Variants in ZNF718 observed in about 807,000 individuals in gnomAD.
ZNF718 encodes the protein zinc finger protein 718.
Under a neutral mutation model 2.6 loss-of-function variants are expected in ZNF718, and 3 were observed. The ratio of observed to expected loss-of-function variants is 1.16; its 90% CI spans 0.53 to 3.01. The LOEUF (loss-of-function observed/expected upper bound fraction) is 3.01. Ranked by LOEUF, ZNF718 falls within the 30% of genes most tolerant of loss-of-function variation. The pLI is 0.03. For synonymous variants in ZNF718, 135 were observed against 77.9 expected (o/e 1.73, Z -3.86); for missense variants, 468 against 230.0 (o/e 2.03, Z -6.69).
At chr4:156,493 CAA>C (rs148528640) in intron 3 of ZNF718, among the ~76,000 whole-genome samples, 3 of 151,460 alleles carry the variant, frequency 2.0e-5, no homozygotes, top group African/African-American at 7.3e-5. Context: ...TTTTAATTGT[CAA>C]AAAAAACAGA....
At chr4:126,827 CTCT>C (rs1250414571) in intron 1 of ZNF718, among the ~76,000 whole-genome samples, 1 of 145,082 alleles carries the variant, frequency 6.9e-6, no homozygotes, top group Admixed American at 7.2e-5. Context: ...GATAATTTTT[CTCT>C]TTTTTTTTTT....
chr4:159,044 T>TA (rs1243988736), intron 3 of ZNF718, among the ~76,000 whole-genome samples: 1 of 150,898 alleles, frequency 6.6e-6, no homozygotes, highest in African/African-American at 2.4e-5. Context: ...TTTTTTCTTT[T>TA]TTTTTTTTTT....
rs1282889814 is a variant in ZNF718 at position 132,136 on chromosome 4, CAA to C, written c.226+647_226+648del. ...TGGGCGACAGAGCGAGATTCAGTCTCAAAAAAAAAAAAAAAAACCCAGGAGGC... is the reference window on the plus strand; with the variant it reads ...TGGGCGACAGAGCGAGATTCAGTCTCAAAAAAAAAAAAAAACCCAGGAGGC... On this transcript the variant is annotated intron_variant, in intron 3 of 3. Coordinates refer to ENST00000510175, the MANE Select transcript of ZNF718 (RefSeq NM_001039127.6). Among the ~76,000 whole-genome samples the C allele has an allele frequency of 3.0e-4, 14 of 46,214 alleles. 3 individuals carry two copies. Among genetic ancestry groups the C allele is most frequent in the South Asian group, 1.4e-3 (2 of 1,458 alleles). The allele number at this position is 46,214 out of a possible 152,430, so 30.3% of individuals were successfully genotyped here.
At chr4:138,316 C>T (rs559590463) in intron 3 of ZNF718, among the ~76,000 whole-genome samples, 2 of 152,304 alleles carry the variant, frequency 1.3e-5, no homozygotes, top group Admixed American at 6.5e-5. Context: ...GGTAACAATC[C>T]TTCTGCTCTC....
intron 3 of ZNF718, among the ~76,000 whole-genome samples, chr4:155,112 G>T (rs962249886): frequency 6.6e-6 from 1 of 152,212 alleles, no homozygotes; most frequent in Non-Finnish European, 1.5e-5. Flanking sequence ...CAAAAGCGAG[G>T]TTTGGAAACC....
Position 161,866 on chromosome 4 carries a change from C to T in ZNF718, c.1181C>T (p.Pro394Leu). 1 of 780,568 alleles carries T rather than the reference C, an allele frequency of 1.3e-6. No homozygotes were observed. The highest frequency in any genetic ancestry group is 1.3e-5 in the South Asian group (1 of 74,600). 48.4% of individuals were successfully genotyped at this position (780,568 alleles called of 1,614,324 possible). A position where few individuals can be genotyped will look rare whatever the true frequency, so the allele number is the denominator to read the frequency against. ...VHKRIHSGKN[P>L]YKCEDCGKAF... ...AAGAGAATTCACTCTGGAAAAAATCCCTACAAATGTGAAGATTGTGGCAAA... is the reference window on the plus strand; with the variant it reads ...AAGAGAATTCACTCTGGAAAAAATCTCTACAAATGTGAAGATTGTGGCAAA... Residue 394 changes from proline to leucine, a missense_variant, in exon 4 of 4, where the codon CCC (proline) becomes CTC (leucine). By Grantham distance (98) the Pro-to-Leu change is moderately conservative. Coordinates refer to ENST00000510175, the MANE Select transcript of ZNF718 (RefSeq NM_001039127.6).
At chr4:156,763 A>T (rs1553813746) in intron 3 of ZNF718, among the ~76,000 whole-genome samples, 2 of 152,154 alleles carry the variant, frequency 1.3e-5, no homozygotes, top group Admixed American at 1.3e-4. Context: ...TTTCATTAAG[A>T]TTTATTTTTA....
intron 3 of ZNF718, among the ~76,000 whole-genome samples, chr4:190,959 G>C (rs902002615): frequency 4.6e-5 from 7 of 151,664 alleles, no homozygotes; most frequent in Non-Finnish European, 1.0e-4. Context: ...GAATCACTTG[G>C]ACCCAGGAGG....
intron 3 of ZNF718, among the ~76,000 whole-genome samples, chr4:139,270 T>C (rs1281425755): frequency 6.6e-6 from 1 of 152,240 alleles, no homozygotes; most frequent in Non-Finnish European, 1.5e-5. Context: ...TAGATTTGTC[T>C]CTAATCCGTT....
chr4:166,550 T>C (rs1421823943), downstream of ZNF718, among the ~76,000 whole-genome samples: 2 of 152,222 alleles, frequency 1.3e-5, no homozygotes, highest in Non-Finnish European at 2.9e-5. Context: ...TTCTAACTGG[T>C]GTGAGGTGGT....
chr4:163,594 C>T lies in ZNF718; in HGVS notation c.*1472C>T, dbSNP rs112421252. 18 of 152,140 alleles carry T rather than the reference C, an allele frequency of 1.2e-4. No homozygotes were observed. The highest frequency in any genetic ancestry group is 4.3e-4 in the African/African-American group (18 of 41,488). The allele number at this position is 152,140 out of a possible 1,614,324, so 9.4% of individuals were successfully genotyped here. A position where few individuals can be genotyped will look rare whatever the true frequency, so the allele number is the denominator to read the frequency against. ...ACATGTTCAGAGTAATATTCTTCTGCATTATAGTGAGAGAAAAATCTTGAA... is the reference window on the plus strand; with the variant it reads ...ACATGTTCAGAGTAATATTCTTCTGTATTATAGTGAGAGAAAAATCTTGAA... On this transcript the variant is annotated 3_prime_UTR_variant, in exon 4 of 4. Coordinates refer to ENST00000510175, the MANE Select transcript of ZNF718 (RefSeq NM_001039127.6).
At chr4:131,753 A>G (rs1163307407) in intron 3 of ZNF718, among the ~76,000 whole-genome samples, 10 of 96,342 alleles carry the variant, frequency 1.0e-4, no homozygotes, top group Admixed American at 2.2e-4. Context: ...GGCGCCTGTA[A>G]TCCCAGCTAC....
intron 3 of ZNF718, among the ~76,000 whole-genome samples, chr4:154,781 A>C (rs1200548598): frequency 6.6e-6 from 1 of 152,236 alleles, no homozygotes; most frequent in Non-Finnish European, 1.5e-5. Context: ...TTCTGAAGGG[A>C]AATTCAAGCT....
chr4:162,040 A>C lies in ZNF718; in HGVS notation c.1355A>C (p.Lys452Thr). The C allele has an allele frequency of 1.3e-6, 1 of 777,416 alleles. No individual in the cohort carries two copies. The highest frequency in any genetic ancestry group is 2.4e-6 in the Non-Finnish European group (1 of 416,074). 48.2% of individuals were successfully genotyped at this position (777,416 alleles called of 1,614,324 possible). The part of the protein sequence containing the change: ...KKIHTVDKPY[K>T]CKECGKAFKQ... ...ATTCACACTGTAGATAAACCCTACA[A>C]ATGTAAAGAATGCGGGAAAGCTTTT... The change falls in exon 4 of 4, where the codon AAA becomes ACA. Residue 452 changes from lysine (K) to threonine (T), a missense_variant. Coordinates refer to ENST00000510175, the MANE Select transcript of ZNF718 (RefSeq NM_001039127.6).
In ZNF718 at chr4:161,624, C is replaced by G. The variant is rs539850096; in HGVS notation, c.939C>G (p.Cys313Trp). The change falls in exon 4 of 4, where the codon TGC becomes TGG. Residue 313 changes from cysteine to tryptophan, a missense_variant. Physicochemically the swap from Cys to Trp is radical, Grantham distance 215. Coordinates refer to ENST00000510175, the MANE Select transcript of ZNF718 (RefSeq NM_001039127.6). ...ATGCTGGAGAGAAACCCTTCTCATG[C>G]GAAGAATGTGGCAATGTCTTTACCA... ...RIHAGEKPFS[C>W]EECGNVFTTS... is the part of the protein sequence containing the mutation. 3.1e-5 allele frequency: 24 copies of G among 779,184 alleles called. No individual in the cohort carries two copies. The highest frequency in any genetic ancestry group is 5.5e-5 in the Non-Finnish European group (23 of 417,464). The allele number at this position is 779,184 out of a possible 1,614,324, so 48.3% of individuals were successfully genotyped here.
chr4:130,780 A>C lies in ZNF718; in HGVS notation c.4-8A>C. The C allele has an allele frequency of 2.8e-6, 1 of 359,428 alleles. No individual in the cohort carries two copies. The highest frequency in any genetic ancestry group is 4.9e-6 in the Non-Finnish European group (1 of 202,430). 22.3% of individuals were successfully genotyped at this position (359,428 alleles called of 1,614,324 possible). On this transcript the variant is annotated splice_polypyrimidine_tract_variant and splice_region_variant and intron_variant, in intron 1 of 3. Coordinates refer to ENST00000510175, the MANE Select transcript of ZNF718 (RefSeq NM_001039127.6). ...GAATTCTGTCACTTGATAAATGTGT[A>C]TTTTCAGGAACTCTTAACATTCAAG...
At chr4:192,430 G>A (rs1560133415) in intron 3 of ZNF718, among the ~76,000 whole-genome samples, 1 of 152,128 alleles carries the variant, frequency 6.6e-6, no homozygotes, top group East Asian at 1.9e-4. Flanking sequence ...TACCTGATTG[G>A]TGGGGTGTGA....
chr4:148,610 C>CAAAAA (rs33957522), intron 3 of ZNF718, among the ~76,000 whole-genome samples: 1 of 74,510 alleles, frequency 1.3e-5, no homozygotes, highest in Admixed American at 1.4e-4. Context: ...GACTCTGTCT[C>CAAAAA]AAAAAAAAAA....
intron 3 of ZNF718, among the ~76,000 whole-genome samples, chr4:158,640 C>G (rs1716683801): frequency 6.6e-6 from 1 of 151,784 alleles, no homozygotes; most frequent in East Asian, 1.9e-4. Context: ...TTATATCTGC[C>G]CTCAACTTTA....
Sources: gnomAD v4.1 joint callset for allele counts (sites outside exome capture counted in the v4.1 genomes callset) on GRCh38, gnomAD v4.1.1 for gene constraint, MANE v1.5 for transcripts, NCBI Gene and HGNC (gene_info 2026-07-23, HGNC 2026-07-21) for gene names.